Variants in DSCAM observed in about 807,000 individuals in gnomAD.
DSCAM encodes cell adhesion molecule DSCAM.
In DSCAM, 47 loss-of-function variants were observed where a neutral mutation model predicts 217.7. The observed-to-expected ratio is 0.22, with a 90% CI of 0.17 to 0.28. The LOEUF (loss-of-function observed/expected upper bound fraction) is 0.28, where lower values mean the gene tolerates loss of function less well. DSCAM is among the 10% of genes least tolerant of loss of function. DSCAM has a pLI of 1.00. For synonymous variants in DSCAM, 1,056 were observed against 1,015.3 expected, an observed-to-expected ratio of 1.04 and a Z score of -0.76; for missense variants, 2,080 against 2,618.3, an observed-to-expected ratio of 0.79 and a Z score of 4.49.
At chr21:40,791,480 C>T (rs965657826) in intron 1 of DSCAM, among the ~76,000 whole-genome samples, 4 of 151,662 alleles carry the variant, frequency 2.6e-5, no homozygotes, top group Non-Finnish European at 4.4e-5. Flanking sequence ...CGGTGAAACC[C>T]CGTCTGTACT....
intron 20 of DSCAM, among the ~76,000 whole-genome samples, chr21:40,115,689 T>C (rs2089961770): frequency 6.6e-6 from 1 of 152,150 alleles, no homozygotes; most frequent in African/African-American, 2.4e-5. Context: ...AAAGGGATGC[T>C]CATACACTGT....
intron 20 of DSCAM, among the ~76,000 whole-genome samples, chr21:40,094,920 T>G (rs946939094): frequency 8.5e-5 from 13 of 152,138 alleles, no homozygotes; most frequent in African/African-American, 3.1e-4. Context: ...CACAAACAAA[T>G]AGCCCAAATA....
chr21:40,365,710 T>A (rs960048985), intron 4 of DSCAM, among the ~76,000 whole-genome samples: 2 of 152,168 alleles, frequency 1.3e-5, no homozygotes, highest in Non-Finnish European at 1.5e-5. Context: ...CTGTCCCTAC[T>A]GAAAAGGCAG....
chr21:40,215,470 C>G (rs2091234374), intron 11 of DSCAM, among the ~76,000 whole-genome samples: 1 of 118,762 alleles, frequency 8.4e-6, no homozygotes, highest in Non-Finnish European at 1.9e-5. Flanking sequence ...TGAAATGCAA[C>G]CCAGCCATAA....
intron 27 of DSCAM, among the ~76,000 whole-genome samples, chr21:40,070,446 A>G (rs2089278835): frequency 6.8e-6 from 1 of 147,530 alleles, no homozygotes; most frequent in Non-Finnish European, 1.5e-5. Context: ...ACAAAGAGAA[A>G]GAAAGAAAGA....
At chr21:40,457,474 G>C (rs4557072) in intron 3 of DSCAM, among the ~76,000 whole-genome samples, 104,899 of 151,876 alleles carry the variant, frequency 0.69, 37,098 homozygotes, top group African/African-American at 0.85. Context: ...GTTGCACCAC[G>C]GCACCCCAGC....
intron 28 of DSCAM, among the ~76,000 whole-genome samples, chr21:40,057,916 C>T (rs2089052904): frequency 7.9e-6 from 1 of 126,996 alleles, no homozygotes; most frequent in Admixed American, 9.9e-5. Context: ...TGCTCTGTTG[C>T]CCAGGCTGGA....
At chr21:40,742,035 G>A (rs2091128957) in intron 1 of DSCAM, among the ~76,000 whole-genome samples, 1 of 152,152 alleles carries the variant, frequency 6.6e-6, no homozygotes, top group Non-Finnish European at 1.5e-5. Flanking sequence ...CACAAGTTGT[G>A]CACTGGCCAA....
intron 3 of DSCAM, among the ~76,000 whole-genome samples, chr21:40,483,059 T>G (rs1426428393): frequency 1.3e-5 from 2 of 152,302 alleles, no homozygotes; most frequent in Admixed American, 6.5e-5. Flanking sequence ...CTCACAAAAT[T>G]TGATGACAAA....
At chr21:40,713,002 G>A (rs1333228840) in intron 1 of DSCAM, among the ~76,000 whole-genome samples, 1 of 152,200 alleles carries the variant, frequency 6.6e-6, no homozygotes, top group African/African-American at 2.4e-5. Context: ...ATGGGCCCCC[G>A]ATAAGACCCT....
chr21:40,607,045 T>C (rs36001223), intron 3 of DSCAM, among the ~76,000 whole-genome samples: 32,333 of 152,172 alleles, frequency 0.21, 3,649 homozygotes, highest in East Asian at 0.31. Context: ...TTAAACCTTT[T>C]TCCTGTATAA....
intron 1 of DSCAM, among the ~76,000 whole-genome samples, chr21:40,716,138 G>C (rs533151511): frequency 6.6e-6 from 1 of 152,166 alleles, no homozygotes; most frequent in South Asian, 2.1e-4. Context: ...TTTTACATTA[G>C]TCTTTCTCCT....
chr21:40,439,977 A>G (rs1050485565), intron 3 of DSCAM, among the ~76,000 whole-genome samples: 7 of 152,226 alleles, frequency 4.6e-5, no homozygotes, highest in African/African-American at 1.4e-4. Flanking sequence ...CCCCTTCCCA[A>G]TGCTCTGTGC....
chr21:40,043,803 G>T (rs1383787530), intron 31 of DSCAM, among the ~76,000 whole-genome samples: 2 of 152,192 alleles, frequency 1.3e-5, no homozygotes, highest in Non-Finnish European at 2.9e-5. Flanking sequence ...CTCCCAGTGG[G>T]GTAGGAACTA....
intron 3 of DSCAM, among the ~76,000 whole-genome samples, chr21:40,442,721 G>T (rs948137045): frequency 6.6e-6 from 1 of 151,828 alleles, no homozygotes; most frequent in African/African-American, 2.4e-5. Flanking sequence ...CATATTGGCC[G>T]GGCTGGTCCC....
At chr21:40,271,712 G>T (rs1195031669) in intron 11 of DSCAM, among the ~76,000 whole-genome samples, 1 of 152,096 alleles carries the variant, frequency 6.6e-6, no homozygotes, top group Non-Finnish European at 1.5e-5. Flanking sequence ...CTCATATTTT[G>T]CCCACAAGGA....
chr21:40,673,184 A>G (rs550399157), intron 3 of DSCAM, among the ~76,000 whole-genome samples: 1 of 152,132 alleles, frequency 6.6e-6, no homozygotes, highest in African/African-American at 2.4e-5. Context: ...GCACCCACAC[A>G]TGGTTGGTTG....
intron 3 of DSCAM, among the ~76,000 whole-genome samples, chr21:40,678,250 C>G (rs1382003619): frequency 6.6e-6 from 1 of 152,070 alleles, no homozygotes; most frequent in Non-Finnish European, 1.5e-5. Flanking sequence ...TAAAACAGGT[C>G]ATATAATTTT....
chr21:40,447,948 C>A (rs536077010), intron 3 of DSCAM, among the ~76,000 whole-genome samples: 2 of 152,266 alleles, frequency 1.3e-5, no homozygotes, highest in African/African-American at 4.8e-5. Flanking sequence ...CATTTTTGAT[C>A]AATTAGATAT....
Sources: gnomAD v4.1 joint callset for allele counts (sites outside exome capture counted in the v4.1 genomes callset) on GRCh38, gnomAD v4.1.1 for gene constraint, MANE v1.5 for transcripts, NCBI Gene and HGNC (gene_info 2026-07-23, HGNC 2026-07-21) for gene names.